The following VEPH1 variants were observed in gnomAD, a reference collection of about 807,000 sequenced individuals.
The protein encoded by VEPH1 is ventricular zone expressed PH domain containing 1, also known as ventricular zone-expressed PH domain-containing protein homolog 1.
A neutral mutation model predicts 85.2 loss-of-function variants in VEPH1; 80 were observed. The observed-to-expected ratio is 0.94, with a 90% CI of 0.78 to 1.13. VEPH1 has a LOEUF of 1.13. VEPH1 is among the 50% of genes most tolerant of loss of function. VEPH1 has a pLI of 0.00. For synonymous variants in VEPH1, 297 were observed against 348.0 expected, an observed-to-expected ratio of 0.85 and a Z score of 1.63; for missense variants, 955 against 980.5, an observed-to-expected ratio of 0.97 and a Z score of 0.35.
chr3:157,410,001 G>C, intron 6 of VEPH1: 1 of 917,086 alleles, frequency 1.1e-6, no homozygotes. Context: ...ATCAGTCAGA[G>C]ATTGTACATT....
Position 157,351,276 on chromosome 3 carries a change from T to C in VEPH1, c.1735+12088A>G, listed in dbSNP as rs144224489. Among the ~76,000 whole-genome samples, 1,051 of 151,610 alleles carry C rather than the reference T, an allele frequency of 6.9e-3. 18 individuals carry two copies. Among genetic ancestry groups the C allele is most frequent in the African/African-American group, 0.024 (993 of 41,376 alleles). ...GCCTGGCCAACATGGTAAAACCCCATTTTTAATAAAAATACAAAAATTAGC... is the reference window on the plus strand; with the variant it reads ...GCCTGGCCAACATGGTAAAACCCCACTTTTAATAAAAATACAAAAATTAGC... On this transcript the variant is annotated intron_variant, in intron 9 of 13. Coordinates refer to ENST00000362010, the MANE Select transcript of VEPH1 (RefSeq NM_001167912.2).
At chr3:157,460,036 T>C (rs747816016) in intron 4 of VEPH1, 145 bp downstream of exon 4, 3 of 1,574,608 alleles carry the variant, frequency 1.9e-6, no homozygotes, top group Non-Finnish European at 2.6e-6. Context: ...CTTTTGCATG[T>C]TCACAGGTCA....
intron 11 of VEPH1, among the ~76,000 whole-genome samples, chr3:157,305,954 C>T (rs940186119): frequency 2.6e-5 from 4 of 152,088 alleles, no homozygotes. Flanking sequence ...ATGCTTGTTA[C>T]AAATATTTTC....
rs1337415753 is a variant in VEPH1, at chr3:157,369,198, A to AC, written c.1128-4687_1128-4686insG. Among the ~76,000 whole-genome samples the AC allele has an allele frequency of 2.2e-4, 33 of 148,266 alleles. 1 individual carries two copies. The highest frequency in any genetic ancestry group is 8.1e-4 in the African/African-American group (33 of 40,526). On this transcript the variant is annotated intron_variant, in intron 7 of 13. Transcript: ENST00000362010. ...ACCAAATGAAAAAAAAAAAAAAAAAAAAAAAACCTCCTGAGGTCTACCAGA... is the reference window on the plus strand; with the variant it reads ...ACCAAATGAAAAAAAAAAAAAAAAAACAAAAAACCTCCTGAGGTCTACCAGA...
chr3:157,400,193 A>G (rs1404714222), intron 6 of VEPH1, among the ~76,000 whole-genome samples: 2 of 152,100 alleles, frequency 1.3e-5, no homozygotes, highest in Non-Finnish European at 2.9e-5. Flanking sequence ...TGGGCAAAAC[A>G]ATTTTTTAAA....
At chr3:157,431,179 ACTC>A (rs1240249431) in intron 4 of VEPH1, among the ~76,000 whole-genome samples, 1 of 151,652 alleles carries the variant, frequency 6.6e-6, no homozygotes, top group Non-Finnish European at 1.5e-5. Context: ...ACTCTCCCTC[ACTC>A]CTGCTGCCAT....
intron 2 of VEPH1, among the ~76,000 whole-genome samples, chr3:157,471,811 C>T (rs1736985535): frequency 1.3e-5 from 2 of 151,362 alleles, no homozygotes; most frequent in Non-Finnish European, 2.9e-5. Flanking sequence ...CTCTACGTTT[C>T]ATTATTTTTA....
chr3:157,388,430 A>T (rs1472869914), intron 6 of VEPH1, among the ~76,000 whole-genome samples: 1 of 152,188 alleles, frequency 6.6e-6, no homozygotes, highest in East Asian at 1.9e-4. Flanking sequence ...CTTTGCCCCA[A>T]GATTTTCCCA....
At chr3:157,446,797 T>A (rs1734588300) in intron 4 of VEPH1, among the ~76,000 whole-genome samples, 1 of 152,218 alleles carries the variant, frequency 6.6e-6, no homozygotes, top group South Asian at 2.1e-4. Flanking sequence ...TCAAGTTTTA[T>A]AAATCTGGAG....
chr3:157,308,664 T>C (rs1337487562), intron 11 of VEPH1, among the ~76,000 whole-genome samples: 1 of 152,100 alleles, frequency 6.6e-6, no homozygotes, highest in African/African-American at 2.4e-5. Flanking sequence ...AATAATTCTC[T>C]TAGAATTTAA....
At chr3:157,467,793 C>G (rs55695446) in intron 3 of VEPH1, among the ~76,000 whole-genome samples, 5,227 of 152,298 alleles carry the variant, frequency 0.034, 301 homozygotes, top group African/African-American at 0.12. Flanking sequence ...AACCAAGGAG[C>G]CTACTAGCCT....
At chr3:157,288,815 C>T (rs562134521) in intron 11 of VEPH1, among the ~76,000 whole-genome samples, 1 of 152,248 alleles carries the variant, frequency 6.6e-6, no homozygotes, top group South Asian at 2.1e-4. Flanking sequence ...TTTCCGCATC[C>T]TCTATTAAGA....
rs181510866 is a variant in VEPH1 at position 157,458,843 on chromosome 3, C to T, written c.529+1338G>A. Among the ~76,000 whole-genome samples, 14 of 152,214 alleles carry T rather than the reference C, an allele frequency of 9.2e-5. No homozygotes were observed. The East Asian group carries it at 2.7e-3, about 29-fold the overall frequency. On this transcript the variant is annotated intron_variant, in intron 4 of 13. Transcript: ENST00000362010. ...AGTTTTATTCCTCTGCATATAGATA[C>T]CCAGTTATCCTAGCACCATTTGTTG...
chr3:157,467,773 T>A (rs1390211647), intron 3 of VEPH1, among the ~76,000 whole-genome samples: 2 of 152,222 alleles, frequency 1.3e-5, no homozygotes, highest in African/African-American at 4.8e-5. Context: ...CTGCCTAACT[T>A]GTCCCTCTTA....
chr3:157,492,530 T>G (rs186200067), intron 2 of VEPH1, among the ~76,000 whole-genome samples: 2 of 152,232 alleles, frequency 1.3e-5, no homozygotes, highest in East Asian at 1.9e-4. Context: ...ACTAAGATGT[T>G]TAGCTGGGAT....
At chr3:157,454,631 G>A (rs1735219761) in intron 4 of VEPH1, among the ~76,000 whole-genome samples, 1 of 152,146 alleles carries the variant, frequency 6.6e-6, no homozygotes, top group Admixed American at 6.6e-5. Flanking sequence ...TTAGAGTCAA[G>A]GGTACATGTG....
At chr3:157,279,716 CT>C (rs940490502) in intron 12 of VEPH1, among the ~76,000 whole-genome samples, 1 of 151,978 alleles carries the variant, frequency 6.6e-6, no homozygotes, top group Non-Finnish European at 1.5e-5. Flanking sequence ...TCTGTGGCTG[CT>C]AAAAAGTACC....
intron 4 of VEPH1, among the ~76,000 whole-genome samples, chr3:157,434,512 T>C (rs187767029): frequency 6.6e-6 from 1 of 152,176 alleles, no homozygotes; most frequent in African/African-American, 2.4e-5. Flanking sequence ...AGGGTCTTGC[T>C]ATGTTGATCA....
chr3:157,327,700 G>T (rs949510104), intron 9 of VEPH1, among the ~76,000 whole-genome samples: 2 of 152,120 alleles, frequency 1.3e-5, no homozygotes, highest in African/African-American at 2.4e-5. Flanking sequence ...ACACACAGTG[G>T]TATGTAGTGT....
Sources: allele counts gnomAD v4.1 joint callset (sites outside exome capture counted in the v4.1 genomes callset), GRCh38; gene constraint gnomAD v4.1.1; transcripts MANE v1.5; gene names NCBI Gene and HGNC (gene_info 2026-07-23, HGNC 2026-07-21).